Variants in UBE4B observed in about 807,000 individuals in gnomAD.
UBE4B encodes the protein ubiquitination factor E4B, also known as ubiquitin conjugation factor E4 B.
A neutral mutation model predicts 148.1 loss-of-function variants in UBE4B; 27 were observed. That is an observed-to-expected ratio of 0.18 (90% confidence interval 0.13 to 0.25). UBE4B has a LOEUF of 0.25. Ranked by LOEUF, UBE4B falls within the 10% of genes least tolerant of loss-of-function variation. The pLI is 1.00. For synonymous variants in UBE4B, 596 were observed against 619.3 expected, an observed-to-expected ratio of 0.96 and a Z score of 0.56; for missense variants, 1,170 against 1,662.4, an observed-to-expected ratio of 0.70 and a Z score of 5.15.
chr1:10,066,022 C>T (rs1323559755), intron 1 of UBE4B, among the ~76,000 whole-genome samples: 1 of 134,712 alleles, frequency 7.4e-6, no homozygotes, highest in African/African-American at 2.7e-5. Flanking sequence ...TATCATTGTT[C>T]CCCTCCCTCC....
At chr1:10,061,464 C>A (rs554560519) in intron 1 of UBE4B, among the ~76,000 whole-genome samples, 2 of 152,102 alleles carry the variant, frequency 1.3e-5, no homozygotes, top group South Asian at 4.1e-4. Flanking sequence ...ACCATCTTGA[C>A]CAGACTAGTC....
At chr1:10,131,015 A>G (rs1426981699) in intron 14 of UBE4B, among the ~76,000 whole-genome samples, 3 of 152,222 alleles carry the variant, frequency 2.0e-5, no homozygotes, top group Non-Finnish European at 4.4e-5. Flanking sequence ...CTGCCTTTGT[A>G]TGTAGCATCA....
At chr1:10,171,374 T>G (rs751303677) in intron 25 of UBE4B, 45 bp downstream of exon 25, 2 of 1,592,328 alleles carry the variant, frequency 1.3e-6, no homozygotes, top group African/African-American at 2.7e-5. Flanking sequence ...CTGGCAGATT[T>G]GGAGATAATA....
chr1:10,089,747 T>C (rs1644817053), intron 2 of UBE4B, among the ~76,000 whole-genome samples: 1 of 151,788 alleles, frequency 6.6e-6, no homozygotes, highest in Admixed American at 6.6e-5. Context: ...TCTTCCATCC[T>C]GGAGGGCAGT....
chr1:10,178,993 G>A, intron 26 of UBE4B, 175 bp downstream of exon 26: 1 of 663,274 alleles, frequency 1.5e-6, no homozygotes. Flanking sequence ...AAATTGAGAG[G>A]AAGAAACATC....
intron 18 of UBE4B, chr1:10,145,427 C>G (rs1257563748): frequency 1.3e-5 from 2 of 153,386 alleles, no homozygotes; most frequent in Non-Finnish European, 2.9e-5. Flanking sequence ...GAAACCCCGT[C>G]TCTACTAAAA....
At chr1:10,126,692 G>A (rs1570939270) in intron 10 of UBE4B, 102 bp from the exon 11 acceptor site, 2 of 992,050 alleles carry the variant, frequency 2.0e-6, no homozygotes, top group East Asian at 5.2e-5. Context: ...CCCTGGGGAA[G>A]GAATGAAATT....
At position 10,151,394 on chromosome 1, in the gene UBE4B, G is replaced by C; in HGVS notation, c.2759G>C (p.Cys920Ser). ...DIVMFLVVML[C>S]NQNYIRNPYL... ...GTGATGTTCCTTGTTGTGATGTTGT[G>C]CAACCAGAACTACATCCGAAACCCA... Residue 920 changes from cysteine (C) to serine (S), a missense_variant, in exon 21 of 28, where the codon TGC becomes TCC. Coordinates refer to ENST00000343090, the MANE Select transcript of UBE4B (RefSeq NM_001105562.3). The C allele has an allele frequency of 6.2e-7, 1 of 1,614,118 alleles. No individual in the cohort carries two copies. Among genetic ancestry groups the C allele is most frequent in the Non-Finnish European group, 8.5e-7 (1 of 1,180,034 alleles).
chr1:10,152,263 A>AAT (rs1645989230), intron 21 of UBE4B, among the ~76,000 whole-genome samples: 1 of 87,068 alleles, frequency 1.1e-5, no homozygotes, highest in Admixed American at 9.4e-5. Flanking sequence ...CGTCTCAAAT[A>AAT]ATAATAATAA....
intron 21 of UBE4B, among the ~76,000 whole-genome samples, chr1:10,153,007 G>A (rs1227157812): frequency 6.6e-6 from 1 of 151,884 alleles, no homozygotes; most frequent in East Asian, 1.9e-4. Context: ...GTTGTGCACG[G>A]TTGCTAGCTC....
rs149005794 is a variant in UBE4B at position 10,122,031 on chromosome 1, G to A, written c.1509G>A (p.Gln503=). ...LCRNLPYGFI[Q]ELVRTTHQDE... ...GGAATCTCCCATATGGCTTCATTCA[G>A]GAACTGGTGAGAACCACTCACCAGG... is the stretch of plus-strand genomic sequence containing the variant. The change falls in exon 10 of 28, where the codon CAG becomes CAA. Residue 503 remains glutamine, a synonymous_variant. Coordinates refer to ENST00000343090, the MANE Select transcript of UBE4B (RefSeq NM_001105562.3). 1.3e-5 allele frequency: 21 copies of A among 1,613,654 alleles called. No homozygotes were observed. The highest frequency in any genetic ancestry group is 1.8e-5 in the Non-Finnish European group (21 of 1,179,900).
At chr1:10,136,313 G>GA (rs1645682060) in intron 16 of UBE4B, among the ~76,000 whole-genome samples, 1 of 151,474 alleles carries the variant, frequency 6.6e-6, no homozygotes, top group Non-Finnish European at 1.5e-5. Context: ...TGTCTACAAA[G>GA]AAAAAAATTA....
chr1:10,153,490 TAAAAAA>T (rs1045427991), intron 21 of UBE4B, among the ~76,000 whole-genome samples: 6 of 49,198 alleles, frequency 1.2e-4, no homozygotes, highest in African/African-American at 5.2e-4. Context: ...ACCCTGTTTC[TAAAAAA>T]AAAAAAAAAA....
At chr1:10,124,409 A>G (rs1645459521) in intron 10 of UBE4B, among the ~76,000 whole-genome samples, 1 of 152,128 alleles carries the variant, frequency 6.6e-6, no homozygotes. Context: ...GCTGGTCTTG[A>G]ACTCTTGGCC....
intron 1 of UBE4B, among the ~76,000 whole-genome samples, chr1:10,062,795 A>G (rs991900403): frequency 5.9e-5 from 9 of 151,940 alleles, no homozygotes; most frequent in Non-Finnish European, 7.4e-5. Flanking sequence ...CATCTTTACT[A>G]AAAATACAAA....
At chr1:10,170,391 C>T (rs1003653691) in intron 24 of UBE4B, among the ~76,000 whole-genome samples, 4 of 152,180 alleles carry the variant, frequency 2.6e-5, no homozygotes, top group African/African-American at 9.7e-5. Flanking sequence ...TATTACATTT[C>T]ATGAAAACCT....
At chr1:10,100,007 T>G (rs898543731) in intron 3 of UBE4B, among the ~76,000 whole-genome samples, 1 of 152,172 alleles carries the variant, frequency 6.6e-6, no homozygotes, top group Non-Finnish European at 1.5e-5. Context: ...TTTATTTTTT[T>G]GAGATGGAGT....
intron 15 of UBE4B, among the ~76,000 whole-genome samples, chr1:10,133,881 C>T (rs1290799990): frequency 1.3e-5 from 2 of 151,364 alleles, no homozygotes; most frequent in African/African-American, 2.4e-5. Flanking sequence ...GAGACCCTGT[C>T]TCTACAAAAA....
chr1:10,054,437 C>G (rs1000723237), intron 1 of UBE4B: 1 of 364,500 alleles, frequency 2.7e-6, no homozygotes, highest in African/African-American at 2.2e-5. Context: ...TTTTTCACAC[C>G]TCTTATGCCA....
Sources: allele counts gnomAD v4.1 joint callset (sites outside exome capture counted in the v4.1 genomes callset), GRCh38; gene constraint gnomAD v4.1.1; transcripts MANE v1.5; gene names NCBI Gene and HGNC (gene_info 2026-07-23, HGNC 2026-07-21).